The following COL21A1 variants were observed in gnomAD, a reference collection of about 807,000 sequenced individuals.
COL21A1 encodes collagen alpha-1(XXI) chain.
Under a neutral mutation model 137.9 loss-of-function variants are expected in COL21A1, and 149 were observed. The observed-to-expected ratio is 1.08, with a 90% confidence interval of 0.95 to 1.24. The LOEUF is 1.24. Among genes scored for constraint, COL21A1 ranks in the 50% most tolerant of loss-of-function variants. The pLI, the probability that COL21A1 is intolerant of heterozygous loss-of-function variation, is 0.00. For missense variants in COL21A1, 1,167 were observed against 1,158.4 expected (o/e 1.01, Z -0.11); for synonymous variants, 456 against 391.5 (o/e 1.16, Z -1.95).
chr6:56,287,205 G>A (rs1317766858), intron 1 of COL21A1, among the ~76,000 whole-genome samples: 1 of 152,174 alleles, frequency 6.6e-6, no homozygotes, highest in East Asian at 1.9e-4. Context: ...ATTTGAAGCA[G>A]GATATTTTAT....
chr6:56,313,118 T>C (rs963826920), intron 1 of COL21A1, among the ~76,000 whole-genome samples: 5 of 152,102 alleles, frequency 3.3e-5, no homozygotes, highest in African/African-American at 9.7e-5. Flanking sequence ...TAGAGATAGC[T>C]AGTAAGGAAT....
At chr6:56,157,032 A>T (rs544686510) in intron 9 of COL21A1, 83 bp from the exon 10 acceptor site, 18 of 881,486 alleles carry the variant, frequency 2.0e-5, no homozygotes, top group Non-Finnish European at 2.8e-5. Flanking sequence ...TTCAAAACCA[A>T]TTCCATTATT....
At position 56,232,773 on chromosome 6, in the gene COL21A1, C is replaced by T. The variant is rs1333661192; in HGVS notation, c.-39+14614G>A. On this transcript the variant is annotated intron_variant, in intron 1 of 29. Transcript: ENST00000244728. ...ATTGCAAACAAGATCCCTAGAGCCA[C>T]ATATTGCTTGGTCCAAAATGTTCAC... is the stretch of plus-strand genomic sequence containing the variant. Among the ~76,000 whole-genome samples, 4 of 151,882 alleles carry T rather than the reference C, an allele frequency of 2.6e-5. No homozygotes were observed. The East Asian group carries it at 7.7e-4, about 29-fold the overall frequency.
At chr6:56,273,048 CA>C (rs1395335529) in intron 1 of COL21A1, among the ~76,000 whole-genome samples, 8 of 152,238 alleles carry the variant, frequency 5.3e-5, no homozygotes, top group African/African-American at 1.9e-4. Context: ...GACCACAGCA[CA>C]ATAAAAATAT....
At chr6:56,326,165 G>T (rs537190423) in intron 1 of COL21A1, among the ~76,000 whole-genome samples, 11 of 118,998 alleles carry the variant, frequency 9.2e-5, no homozygotes, top group African/African-American at 1.4e-4. Flanking sequence ...GATTAGATAT[G>T]TTGTCTTTAA....
chr6:56,262,749 A>G (rs1289534346), intron 1 of COL21A1, among the ~76,000 whole-genome samples: 2 of 152,122 alleles, frequency 1.3e-5, no homozygotes, highest in African/African-American at 4.8e-5. Context: ...AAGCACTACT[A>G]TTAGTCTAAA....
upstream of COL21A1, among the ~76,000 whole-genome samples, chr6:56,249,477 C>T (rs575932728): frequency 1.9e-4 from 29 of 152,182 alleles, no homozygotes; most frequent in Non-Finnish European, 3.7e-4. Flanking sequence ...TGTCTATCAG[C>T]GGATGAATGG....
chr6:56,071,573 G>A (rs914989189), intron 20 of COL21A1, among the ~76,000 whole-genome samples: 10 of 151,588 alleles, frequency 6.6e-5, no homozygotes, highest in African/African-American at 2.2e-4. Context: ...AATCAGTGAG[G>A]CAAACCAATG....
chr6:56,270,153 A>G (rs1451960671), intron 1 of COL21A1, among the ~76,000 whole-genome samples: 1 of 152,180 alleles, frequency 6.6e-6, no homozygotes, highest in African/African-American at 2.4e-5. Context: ...CAAGACCCAA[A>G]CATCCTCTGG....
chr6:56,335,967 A>G (rs953818126), intron 1 of COL21A1, among the ~76,000 whole-genome samples: 1 of 152,198 alleles, frequency 6.6e-6, no homozygotes, highest in Non-Finnish European at 1.5e-5. Context: ...CATCTATTCC[A>G]TGACGTTGAT....
At chr6:56,342,575 T>C (rs1765494533) in intron 1 of COL21A1, among the ~76,000 whole-genome samples, 1 of 152,200 alleles carries the variant, frequency 6.6e-6, no homozygotes, top group African/African-American at 2.4e-5. Flanking sequence ...TTCACATATA[T>C]CAGAATTCTA....
At chr6:56,229,822 A>G (rs1453393674) in intron 1 of COL21A1, among the ~76,000 whole-genome samples, 1 of 151,970 alleles carries the variant, frequency 6.6e-6, no homozygotes, top group East Asian at 1.9e-4. Flanking sequence ...CCTGAAATTT[A>G]TTTGACAAAC....
At chr6:56,177,192 A>T (rs79964661) in intron 3 of COL21A1, among the ~76,000 whole-genome samples, 10,843 of 152,164 alleles carry the variant, frequency 0.071, 441 homozygotes, top group South Asian at 0.12. Flanking sequence ...CCTATCAGAG[A>T]AAGGAGAGTA....
intron 1 of COL21A1, among the ~76,000 whole-genome samples, chr6:56,275,094 C>CA (rs979579319): frequency 2.0e-5 from 3 of 151,956 alleles, no homozygotes; most frequent in Admixed American, 1.3e-4. Context: ...TCTAAGCTGA[C>CA]AAAAAACAAG....
chr6:56,341,073 C>G (rs1186631306), intron 1 of COL21A1, among the ~76,000 whole-genome samples: 1 of 152,186 alleles, frequency 6.6e-6, no homozygotes, highest in African/African-American at 2.4e-5. Flanking sequence ...CTTCAAAACT[C>G]ATCTCCAAGG....
In COL21A1 at chr6:56,135,710, G is replaced by A. The variant is rs953683400; in HGVS notation, c.1542+6075C>T. On this transcript the variant is annotated intron_variant, in intron 12 of 29. Transcript: ENST00000244728. ...TAATAATAATAAATAAAGAACCAAG[G>A]CAATCTTTGAGATTTCTTAAATTTG... Among the ~76,000 whole-genome samples the A allele has an allele frequency of 2.0e-5, 3 of 152,022 alleles. No individual in the cohort carries two copies. The East Asian group carries it at 5.8e-4, about 29-fold the overall frequency.
intron 1 of COL21A1, among the ~76,000 whole-genome samples, chr6:56,380,847 G>GAGTT (rs998967611): frequency 1.1e-4 from 16 of 152,142 alleles, no homozygotes; most frequent in Non-Finnish European, 4.4e-5. Context: ...TTTAATGCAT[G>GAGTT]AGTTATAGCA....
At chr6:56,364,964 A>T (rs553353048) in intron 1 of COL21A1, among the ~76,000 whole-genome samples, 1 of 152,248 alleles carries the variant, frequency 6.6e-6, no homozygotes, top group Admixed American at 6.5e-5. Flanking sequence ...CTCTGTGAGC[A>T]TGTGTAAAAT....
intron 1 of COL21A1, among the ~76,000 whole-genome samples, chr6:56,375,552 G>A (rs1259451056): frequency 6.6e-6 from 1 of 152,098 alleles, no homozygotes; most frequent in African/African-American, 2.4e-5. Flanking sequence ...GAGGGTGGTG[G>A]GCACTCTCTG....
Sources: allele counts gnomAD v4.1 joint callset (sites outside exome capture counted in the v4.1 genomes callset), GRCh38; gene constraint gnomAD v4.1.1; transcripts MANE v1.5; gene names NCBI Gene and HGNC (gene_info 2026-07-23, HGNC 2026-07-21).